SRRM4: variants seen among roughly 807,000 people sequenced by gnomAD.
SRRM4 encodes the protein serine/arginine repetitive matrix 4, also known as serine/arginine repetitive matrix protein 4.
Under a neutral mutation model 68.9 loss-of-function variants are expected in SRRM4, and 33 were observed. The observed-to-expected ratio is 0.48, with a 90% CI of 0.36 to 0.64. The LOEUF is 0.64. Ranked by LOEUF, SRRM4 falls within the 30% of genes least tolerant of loss-of-function variation. The pLI is 0.00. For synonymous variants in SRRM4, 318 were observed against 318.8 expected (o/e 1.00, Z 0.03); for missense variants, 817 against 827.1 (o/e 0.99, Z 0.15).
At chr12:119,027,664 C>T (rs1953557960) in intron 1 of SRRM4, among the ~76,000 whole-genome samples, 1 of 152,074 alleles carries the variant, frequency 6.6e-6, no homozygotes, top group Non-Finnish European at 1.5e-5. Context: ...TGGGGGGGCA[C>T]TTATTATACA....
intron 1 of SRRM4, among the ~76,000 whole-genome samples, chr12:119,006,222 G>C (rs762043717): frequency 1.3e-5 from 2 of 152,144 alleles, no homozygotes; most frequent in Non-Finnish European, 2.9e-5. Flanking sequence ...GGAGGATTCT[G>C]TCCCTTTTCC....
At chr12:119,067,707 C>T (rs1953854606) in intron 1 of SRRM4, among the ~76,000 whole-genome samples, 1 of 151,638 alleles carries the variant, frequency 6.6e-6, no homozygotes, top group Non-Finnish European at 1.5e-5. Flanking sequence ...GATTTCATTT[C>T]AAAAATAAAT....
At chr12:119,005,009 C>G (rs926941571) in intron 1 of SRRM4, among the ~76,000 whole-genome samples, 2 of 150,460 alleles carry the variant, frequency 1.3e-5, no homozygotes, top group African/African-American at 4.8e-5. Context: ...CATCACAGTT[C>G]CTGTGGCTTC....
chr12:119,136,444 G>C (rs1223918317), intron 8 of SRRM4, among the ~76,000 whole-genome samples: 1 of 151,730 alleles, frequency 6.6e-6, no homozygotes, highest in Non-Finnish European at 1.5e-5. Context: ...AATGAGATTT[G>C]GGGATTTTCT....
At chr12:119,018,877 T>C (rs1953497548) in intron 1 of SRRM4, among the ~76,000 whole-genome samples, 1 of 152,170 alleles carries the variant, frequency 6.6e-6, no homozygotes, top group Admixed American at 6.5e-5. Context: ...AAGACCCCAC[T>C]GAAAATTCTA....
chr12:119,010,164 G>A (rs538029292), intron 1 of SRRM4, among the ~76,000 whole-genome samples: 31 of 152,202 alleles, frequency 2.0e-4, no homozygotes, highest in African/African-American at 6.5e-4. Flanking sequence ...GCAATTCTCC[G>A]GCCTCAGCCT....
chr12:119,097,073 C>T (rs115763040), intron 1 of SRRM4, among the ~76,000 whole-genome samples: 59 of 152,188 alleles, frequency 3.9e-4, no homozygotes, highest in African/African-American at 1.3e-3. Flanking sequence ...TGGAGTGTGC[C>T]GGCCCTTGAC....
intron 1 of SRRM4, among the ~76,000 whole-genome samples, chr12:118,991,337 AC>A (rs1953315653): frequency 6.6e-6 from 1 of 152,172 alleles, no homozygotes; most frequent in Admixed American, 6.5e-5. Context: ...CCTGATTTAT[AC>A]CTACTCCACT....
intron 2 of SRRM4, among the ~76,000 whole-genome samples, chr12:119,106,501 G>T (rs538849931): frequency 1.3e-3 from 202 of 152,122 alleles, no homozygotes; most frequent in African/African-American, 4.7e-3. Context: ...GTGGTTTGTA[G>T]TTCTCCTTGA....
chr12:119,143,196 A>G (rs1293434915), intron 8 of SRRM4, among the ~76,000 whole-genome samples: 8 of 152,236 alleles, frequency 5.3e-5, no homozygotes, highest in Admixed American at 5.2e-4. Context: ...GAGTTATGCT[A>G]TTCTCACAGT....
intron 7 of SRRM4, among the ~76,000 whole-genome samples, chr12:119,130,409 A>AGATGGATGGATG (rs71069491): frequency 0.012 from 1,753 of 142,510 alleles, 17 homozygotes; most frequent in Middle Eastern, 0.049. Context: ...TTGCTTAGAC[A>AGATGGATGGATG]GATGGATGGA....
At chr12:119,049,100 G>A (rs749952711) in intron 1 of SRRM4, among the ~76,000 whole-genome samples, 5 of 152,148 alleles carry the variant, frequency 3.3e-5, no homozygotes, top group Admixed American at 1.3e-4. Flanking sequence ...GAAGAAGACC[G>A]GCTATAGACA....
At chr12:118,995,755 T>G (rs1430638281) in intron 1 of SRRM4, among the ~76,000 whole-genome samples, 2 of 152,230 alleles carry the variant, frequency 1.3e-5, no homozygotes, top group African/African-American at 2.4e-5. Context: ...CAATACTTTA[T>G]GCTTGCTGAG....
chr12:119,144,885 T>A (rs1411239524), intron 8 of SRRM4, among the ~76,000 whole-genome samples: 1 of 152,218 alleles, frequency 6.6e-6, no homozygotes, highest in Non-Finnish European at 1.5e-5. Flanking sequence ...CAAAAAAAAT[T>A]GTTAAATTAA....
intron 6 of SRRM4, 91 bp from the exon 7 acceptor site, chr12:119,125,290 A>G (rs1954249945): frequency 1.6e-6 from 2 of 1,215,358 alleles, no homozygotes; most frequent in South Asian, 1.4e-5. Context: ...AGTGCAAAGG[A>G]AAAACGGGTG....
intron 6 of SRRM4, among the ~76,000 whole-genome samples, chr12:119,123,560 C>T (rs535443092): frequency 2.4e-4 from 36 of 151,922 alleles, no homozygotes; most frequent in Non-Finnish European, 4.6e-4. Flanking sequence ...CCACCCTCCC[C>T]GCTGGCAAGA....
intron 1 of SRRM4, among the ~76,000 whole-genome samples, chr12:119,086,586 A>G (rs1953980903): frequency 6.6e-6 from 1 of 152,234 alleles, no homozygotes; most frequent in Non-Finnish European, 1.5e-5. Flanking sequence ...GCCATAGTGT[A>G]CATTCACAGA....
intron 1 of SRRM4, among the ~76,000 whole-genome samples, chr12:119,056,192 T>C (rs368499782): frequency 1.3e-4 from 20 of 152,214 alleles, no homozygotes; most frequent in African/African-American, 4.6e-4. Flanking sequence ...CCCTCCCCTT[T>C]GATAATAGCT....
chr12:119,090,897 G>A (rs942220157), intron 1 of SRRM4, among the ~76,000 whole-genome samples: 2 of 152,164 alleles, frequency 1.3e-5, no homozygotes, highest in African/African-American at 4.8e-5. Flanking sequence ...CCCTCTGGTG[G>A]CCCCAAAAGT....
Sources: allele counts gnomAD v4.1 joint callset (sites outside exome capture counted in the v4.1 genomes callset), GRCh38; gene constraint gnomAD v4.1.1; transcripts MANE v1.5; gene names NCBI Gene and HGNC (gene_info 2026-07-23, HGNC 2026-07-21).